POU6F2: variants seen among roughly 807,000 people sequenced by gnomAD.
The protein encoded by POU6F2 is POU domain, class 6, transcription factor 2.
In POU6F2, 31 loss-of-function variants were observed where a neutral mutation model predicts 71.3. That is an observed-to-expected ratio of 0.43 (90% CI 0.33 to 0.59). The LOEUF (loss-of-function observed/expected upper bound fraction) is 0.59, where lower values mean the gene tolerates loss of function less well. POU6F2 is among the 20% of genes least tolerant of loss of function. POU6F2 has a pLI of 0.04. For synonymous variants in POU6F2, 347 were observed against 355.7 expected (o/e 0.98, Z 0.27); for missense variants, 783 against 856.8 (o/e 0.91, Z 1.07).
intron 4 of POU6F2, among the ~76,000 whole-genome samples, chr7:39,214,680 T>G (rs2128747312): frequency 6.6e-6 from 1 of 152,290 alleles, no homozygotes; most frequent in Non-Finnish European, 1.5e-5. Flanking sequence ...TTGTAAAAGG[T>G]GCTCAAGTGT....
intron 4 of POU6F2, among the ~76,000 whole-genome samples, chr7:39,227,486 C>G (rs1486797417): frequency 1.3e-5 from 2 of 151,398 alleles, no homozygotes; most frequent in African/African-American, 4.9e-5. Flanking sequence ...TAAAAAAGAG[C>G]AACTCCTAGG....
At chr7:39,276,094 C>G (rs1222761529) in intron 4 of POU6F2, among the ~76,000 whole-genome samples, 1 of 152,136 alleles carries the variant, frequency 6.6e-6, no homozygotes, top group Non-Finnish European at 1.5e-5. Flanking sequence ...GCAAAAGAAA[C>G]TACCATCAGA....
At chr7:39,342,629 C>T (rs1785942430) in intron 5 of POU6F2, among the ~76,000 whole-genome samples, 1 of 151,996 alleles carries the variant, frequency 6.6e-6, no homozygotes, top group Non-Finnish European at 1.5e-5. Flanking sequence ...TGGAGGACAA[C>T]AATTATTTCT....
intron 1 of POU6F2, among the ~76,000 whole-genome samples, chr7:39,055,471 A>G (rs1372227124): frequency 6.6e-6 from 1 of 152,176 alleles, no homozygotes; most frequent in African/African-American, 2.4e-5. Context: ...TCCGCACTTT[A>G]AAAAATCTGC....
Position 39,026,584 on chromosome 7 carries a change from A to G in POU6F2, c.105+48526A>G, listed in dbSNP as rs567606249. On this transcript the variant is annotated intron_variant, in intron 1 of 9. Coordinates refer to ENST00000518318, the MANE Select transcript of POU6F2 (RefSeq NM_001370959.1). ...ATGGACACAGGAAGGGGAACAACAC[A>G]CTCTGGGGACTGTTGTGGGGTGGGA... is the stretch of plus-strand genomic sequence containing the variant. Among the ~76,000 whole-genome samples, 7 of 151,580 alleles carry G rather than the reference A, an allele frequency of 4.6e-5. No individual in the cohort carries two copies. The South Asian group carries it at 1.5e-3, about 32-fold the overall frequency.
At position 39,341,475 on chromosome 7, in the gene POU6F2, G is replaced by A. The variant is rs531874607; in HGVS notation, c.972+1460G>A. The stretch of plus-strand genomic sequence containing the variant: ...CACTTGACACCTACTGAAAGAGCAG[G>A]TGTCATCAAATTTACAGAAGGCATG... On this transcript the variant is annotated intron_variant, in intron 5 of 9. Coordinates refer to ENST00000518318, the MANE Select transcript of POU6F2 (RefSeq NM_001370959.1). 2.6e-5 allele frequency among the ~76,000 whole-genome samples: 4 copies of A among 152,248 alleles called. No individual in the cohort carries two copies. The South Asian group carries it at 6.2e-4, about 24-fold the overall frequency.
intron 1 of POU6F2, among the ~76,000 whole-genome samples, chr7:39,071,343 G>A (rs780262633): frequency 9.9e-5 from 15 of 151,878 alleles, no homozygotes; most frequent in Non-Finnish European, 1.6e-4. Context: ...GTGGTAATGC[G>A]AGCTATGGGG....
At chr7:39,077,269 A>G in intron 1 of POU6F2, among the ~76,000 whole-genome samples, 1 of 152,176 alleles carries the variant, frequency 6.6e-6, no homozygotes, top group East Asian at 1.9e-4. Flanking sequence ...CTTCCCAGAT[A>G]AGTATACATG....
At chr7:39,323,924 A>G (rs1226257510) in intron 4 of POU6F2, among the ~76,000 whole-genome samples, 2 of 151,926 alleles carry the variant, frequency 1.3e-5, no homozygotes, top group Non-Finnish European at 2.9e-5. Context: ...CCTGGCCAAC[A>G]TGGTGAAACC....
At chr7:39,415,064 CCTAGG>C (rs1454720574) in intron 6 of POU6F2, among the ~76,000 whole-genome samples, 5 of 152,250 alleles carry the variant, frequency 3.3e-5, no homozygotes, top group African/African-American at 1.2e-4. Flanking sequence ...ACTCTTGTTG[CCTAGG>C]CTGGAGTGCA....
At position 39,464,911 on chromosome 7, in the gene POU6F2, A is replaced by G. The variant is rs938234889; in HGVS notation, c.*225A>G. Reference sequence around the variant, plus strand: ...AGAAGAAAATTTTTAGAAAATTTTTAAACAAGGAATACACCACACTGAAGG... The same window carrying G: ...AGAAGAAAATTTTTAGAAAATTTTTGAACAAGGAATACACCACACTGAAGG... On this transcript the variant is annotated 3_prime_UTR_variant, in exon 10 of 10. Coordinates refer to ENST00000518318, the MANE Select transcript of POU6F2 (RefSeq NM_001370959.1). This position sits in a 1 kb window ranked among gnomAD's most constrained non-coding sequence, Gnocchi z 4.1. The G allele has an allele frequency of 2.3e-5, 14 of 611,572 alleles. No individual in the cohort carries two copies. Among genetic ancestry groups the G allele is most frequent in the Middle Eastern group, 8.4e-4 (2 of 2,392 alleles). The allele number at this position is 611,572 out of a possible 1,614,324, so 37.9% of individuals were successfully genotyped here.
At chr7:39,360,073 CAG>C (rs1786345738) in intron 5 of POU6F2, among the ~76,000 whole-genome samples, 1 of 152,136 alleles carries the variant, frequency 6.6e-6, no homozygotes, top group African/African-American at 2.4e-5. Flanking sequence ...AAATGCAACA[CAG>C]AGAATTTTTA....
At chr7:39,171,193 AC>A (rs1793213440) in intron 2 of POU6F2, among the ~76,000 whole-genome samples, 1 of 151,172 alleles carries the variant, frequency 6.6e-6, no homozygotes, top group South Asian at 2.1e-4. Flanking sequence ...CCTCCCCTTT[AC>A]CCCATCCCCC....
chr7:39,227,703 C>T (rs76117310), intron 4 of POU6F2, among the ~76,000 whole-genome samples: 19,406 of 151,970 alleles, frequency 0.13, 1,261 homozygotes, highest in Middle Eastern at 0.15. Flanking sequence ...TACAGGCATC[C>T]GCCACCACGC....
At chr7:39,289,827 G>A (rs1238132892) in intron 4 of POU6F2, among the ~76,000 whole-genome samples, 1 of 152,122 alleles carries the variant, frequency 6.6e-6, no homozygotes, top group African/African-American at 2.4e-5. Flanking sequence ...TATTTGTAGT[G>A]TGGGGCAATC....
intron 4 of POU6F2, among the ~76,000 whole-genome samples, chr7:39,233,564 G>A (rs534849607): frequency 1.3e-5 from 2 of 152,254 alleles, no homozygotes; most frequent in South Asian, 2.1e-4. Context: ...AATCCTGTCC[G>A]GAGGGCTAGA....
At chr7:39,311,319 C>T (rs1302805350) in intron 4 of POU6F2, among the ~76,000 whole-genome samples, 22 of 151,972 alleles carry the variant, frequency 1.4e-4, no homozygotes, top group Admixed American at 1.4e-3. Flanking sequence ...CATATCACCC[C>T]TCTGCTCAAA....
intron 2 of POU6F2, among the ~76,000 whole-genome samples, chr7:39,104,491 T>C (rs1027429743): frequency 6.6e-6 from 1 of 152,204 alleles, no homozygotes; most frequent in Admixed American, 6.5e-5. Context: ...TTCCTCACAA[T>C]GTACCTGGGA....
At chr7:39,016,267 T>C (rs1025141537) in intron 1 of POU6F2, among the ~76,000 whole-genome samples, 1 of 147,978 alleles carries the variant, frequency 6.8e-6, no homozygotes, top group Non-Finnish European at 1.5e-5. Context: ...ATACAGTATA[T>C]ACTATATAAT....
Sources: gnomAD v4.1 joint callset for allele counts (sites outside exome capture counted in the v4.1 genomes callset) on GRCh38, gnomAD v4.1.1 for gene constraint, Gnocchi (gnomAD v3.1) non-coding constraint, MANE v1.5 for transcripts, NCBI Gene and HGNC (gene_info 2026-07-23, HGNC 2026-07-21) for gene names.